Variants in TMEM132B observed in about 807,000 individuals in gnomAD.
TMEM132B encodes the protein transmembrane protein 132B.
In TMEM132B, 18 loss-of-function variants were observed where a neutral mutation model predicts 90.8. The ratio of observed to expected loss-of-function variants is 0.20; its 90% CI spans 0.14 to 0.29. TMEM132B has a LOEUF of 0.29. Ranked by LOEUF, TMEM132B falls within the 10% of genes least tolerant of loss-of-function variation. The pLI is 1.00. For missense variants in TMEM132B, 1,096 were observed against 1,326.8 expected (o/e 0.83, Z 2.70); for synonymous variants, 504 against 523.3 (o/e 0.96, Z 0.50).
intron 4 of TMEM132B, among the ~76,000 whole-genome samples, chr12:125,534,802 A>T (rs1445350473): frequency 6.6e-6 from 1 of 152,226 alleles, no homozygotes; most frequent in Non-Finnish European, 1.5e-5. Context: ...TAGAACCTGA[A>T]GCTATCCAAT....
In TMEM132B at chr12:125,618,634, G is replaced by A. The variant is rs7962921; in HGVS notation, c.1438-25442G>A. Among the ~76,000 whole-genome samples, 790 of 152,086 alleles carry A rather than the reference G, an allele frequency of 5.2e-3. 6 individuals are homozygous for A. Among genetic ancestry groups the A allele is most frequent in the African/African-American group, 0.017 (710 of 41,462 alleles). Reference sequence around the variant, plus strand: ...CTTATTTGATGTCTGCCCTTAGGATGGTTTCCATTTAAATGGTTAAACCAG... The same window carrying A: ...CTTATTTGATGTCTGCCCTTAGGATAGTTTCCATTTAAATGGTTAAACCAG... On this transcript the variant is annotated intron_variant, in intron 5 of 8. Transcript: ENST00000682704.
chr12:125,224,757 G>A (rs999465138), intron 1 of TMEM132B, among the ~76,000 whole-genome samples: 20 of 152,198 alleles, frequency 1.3e-4, no homozygotes, highest in Non-Finnish European at 2.5e-4. Context: ...TCCCTTCCCT[G>A]GCCTTTTCTG....
chr12:125,277,502 A>AACAC lies in TMEM132B; in HGVS notation c.68-71926_68-71923dup, dbSNP rs60316781. On this transcript the variant is annotated intron_variant, in intron 1 of 8. Transcript: ENST00000682704. This position sits in a 1 kb window ranked among gnomAD's most constrained non-coding sequence, Gnocchi z 4.3. ...TCAAAAAAAAAAGATGAAGAGGGAG[A>AACAC]ACACACACACACACACACACACACA... Among the ~76,000 whole-genome samples the AACAC allele has an allele frequency of 0.017, 2,449 of 143,152 alleles. 34 individuals carry two copies. The highest frequency in any genetic ancestry group is 0.034 in the African/African-American group (1,255 of 37,364). The allele number at this position is 143,152 out of a possible 152,430, so 93.9% of individuals were successfully genotyped here.
At chr12:125,374,267 C>G (rs1477851080) in intron 2 of TMEM132B, among the ~76,000 whole-genome samples, 1 of 152,166 alleles carries the variant, frequency 6.6e-6, no homozygotes, top group South Asian at 2.1e-4. Flanking sequence ...GGGTTATTAC[C>G]AAGACCTCTG....
At chr12:125,247,349 T>C (rs905014787) in intron 1 of TMEM132B, among the ~76,000 whole-genome samples, 1 of 152,190 alleles carries the variant, frequency 6.6e-6, no homozygotes. Context: ...CTCTATCTAG[T>C]TTAAAACCTC....
intron 2 of TMEM132B, among the ~76,000 whole-genome samples, chr12:125,352,096 T>C (rs2136236150): frequency 6.6e-6 from 1 of 152,322 alleles, no homozygotes; most frequent in South Asian, 2.1e-4. Context: ...GTTCTAGAAC[T>C]CTGCGTTCTA....
intron 3 of TMEM132B, among the ~76,000 whole-genome samples, chr12:125,491,649 T>C (rs984218079): frequency 6.6e-6 from 1 of 152,240 alleles, no homozygotes; most frequent in Non-Finnish European, 1.5e-5. Context: ...GAGAACCCAC[T>C]GTGGAGTGGA....
intron 1 of TMEM132B, among the ~76,000 whole-genome samples, chr12:125,258,274 A>G (rs1407413187): frequency 6.6e-6 from 1 of 152,118 alleles, no homozygotes; most frequent in African/African-American, 2.4e-5. Context: ...CCACCATTTT[A>G]TTATGTTCTC....
intron 2 of TMEM132B, among the ~76,000 whole-genome samples, chr12:125,387,636 C>A (rs1189190439): frequency 6.6e-6 from 1 of 152,174 alleles, no homozygotes; most frequent in Non-Finnish European, 1.5e-5. Context: ...TAAATACCAC[C>A]TACCTTGTTG....
intron 3 of TMEM132B, among the ~76,000 whole-genome samples, chr12:125,432,528 T>TATATAG (rs1458075923): frequency 0.044 from 1,724 of 39,126 alleles, 492 homozygotes; most frequent in Non-Finnish European, 0.065. Flanking sequence ...TATATATATA[T>TATATAG]AGAGAGAGAG....
At chr12:125,289,745 A>T (rs1875480080) in intron 1 of TMEM132B, among the ~76,000 whole-genome samples, 1 of 152,224 alleles carries the variant, frequency 6.6e-6, no homozygotes, top group Non-Finnish European at 1.5e-5. Context: ...AAGTCACTTG[A>T]CTGAGGTCAC....
Position 125,653,611 on chromosome 12 carries a change from C to T in TMEM132B, c.2153C>T (p.Thr718Ile), listed in dbSNP as rs1447379247. ...ATTTTGTTCAGTGATGGTTCGGTGA[C>T]ACCTTTAGACATTTACGATCCTAAG... ...SWILFSDGSV[T>I]PLDIYDPKDY... The change falls in exon 9 of 9, where the codon ACA becomes ATA. Residue 718 changes from threonine (T) to isoleucine (I), a missense_variant. By Grantham distance (89) the Thr-to-Ile change is moderately conservative. Coordinates refer to ENST00000682704, the MANE Select transcript of TMEM132B (RefSeq NM_001366854.1). The T allele has an allele frequency of 6.2e-7, 1 of 1,613,350 alleles. No homozygotes were observed.
intron 5 of TMEM132B, chr12:125,584,360 G>A (rs918456710): frequency 3.1e-5 from 7 of 227,448 alleles, no homozygotes; most frequent in African/African-American, 1.4e-4. Flanking sequence ...CAAACTCACT[G>A]TGCCTAATAA....
chr12:125,194,038 G>C (rs1312802644), intron 1 of TMEM132B, among the ~76,000 whole-genome samples: 1 of 152,202 alleles, frequency 6.6e-6, no homozygotes, highest in Non-Finnish European at 1.5e-5. Context: ...GGGTTCTTTG[G>C]AGTTGAATTC....
intron 5 of TMEM132B, among the ~76,000 whole-genome samples, chr12:125,599,511 T>C (rs1345655303): frequency 1.3e-5 from 2 of 152,082 alleles, no homozygotes; most frequent in Non-Finnish European, 2.9e-5. Context: ...GTGTGGCCTA[T>C]GGTGAGAATT....
intron 5 of TMEM132B, among the ~76,000 whole-genome samples, chr12:125,603,191 A>G (rs1406417610): frequency 6.6e-6 from 1 of 152,210 alleles, no homozygotes; most frequent in African/African-American, 2.4e-5. Context: ...GCATCATGCT[A>G]CCTGACTTCA....
chr12:125,650,711 G>A lies in TMEM132B; in HGVS notation c.1672G>A (p.Asp558Asn), dbSNP rs753976318. The A allele has an allele frequency of 4.3e-6, 7 of 1,610,970 alleles. No individual in the cohort carries two copies. Among genetic ancestry groups the A allele is most frequent in the East Asian group, 2.2e-5 (1 of 44,754 alleles). Residue 558 changes from aspartate to asparagine, a missense_variant, in exon 7 of 9, where the codon GAT becomes AAT. Coordinates refer to ENST00000682704, the MANE Select transcript of TMEM132B (RefSeq NM_001366854.1). ...RPTRESDDED[D>N]EEKKGRGCSL... ...TACCCGGGAAAGCGATGACGAGGAC[G>A]ATGAGGAGAAGAAGGGACGAGGCTG... is the stretch of plus-strand genomic sequence containing the variant.
chr12:125,204,496 A>G (rs113644368), intron 1 of TMEM132B, among the ~76,000 whole-genome samples: 4 of 68,524 alleles, frequency 5.8e-5, no homozygotes, highest in Non-Finnish European at 1.0e-4. Context: ...AATCCTTTCA[A>G]TGAAGGCTCC....
At chr12:125,533,739 T>A (rs1883715236) in intron 4 of TMEM132B, among the ~76,000 whole-genome samples, 1 of 152,192 alleles carries the variant, frequency 6.6e-6, no homozygotes, top group African/African-American at 2.4e-5. Context: ...GCCCTGCGAT[T>A]TCCAGGGATT....
Sources: gnomAD v4.1 joint callset for allele counts (sites outside exome capture counted in the v4.1 genomes callset) on GRCh38, gnomAD v4.1.1 for gene constraint, Gnocchi (gnomAD v3.1) non-coding constraint, MANE v1.5 for transcripts, NCBI Gene and HGNC (gene_info 2026-07-23, HGNC 2026-07-21) for gene names.